ZNF264: variants seen among roughly 807,000 people sequenced by gnomAD.
ZNF264 encodes the protein zinc finger protein 264.
In ZNF264, 11 loss-of-function variants were observed where a neutral mutation model predicts 11.2. The ratio of observed to expected loss-of-function variants is 0.98; its 90% confidence interval spans 0.62 to 1.63. The LOEUF is 1.63. ZNF264 is among the 40% of genes most tolerant of loss of function. The probability of loss-of-function intolerance (pLI) is 0.00; values close to 1 mark genes in which losing one functional copy is unlikely to be tolerated. For synonymous variants in ZNF264, 309 were observed against 279.8 expected, an observed-to-expected ratio of 1.10 and a Z score of -1.04; for missense variants, 752 against 768.1, an observed-to-expected ratio of 0.98 and a Z score of 0.25.
At chr19:57,193,259 G>A (rs1212871678) in intron 1 of ZNF264, among the ~76,000 whole-genome samples, 1 of 152,202 alleles carries the variant, frequency 6.6e-6, no homozygotes, top group Non-Finnish European at 1.5e-5. Context: ...TGACTGTGAA[G>A]GTGATGATGG....
chr19:57,192,973 C>T (rs144238585), intron 1 of ZNF264, among the ~76,000 whole-genome samples: 2 of 152,120 alleles, frequency 1.3e-5, no homozygotes, highest in Non-Finnish European at 2.9e-5. Context: ...TCAAGCGATC[C>T]GCCCACCTCG....
chr19:57,212,736 GC>G lies in ZNF264; in HGVS notation c.1641del (p.Phe548SerfsTer22). The part of the protein sequence containing the change: ...KPYKCSECGK[A>X]FSRSSSLTQH... ...CTATAAATGTAGTGAATGTGGAAAG[GC>G]CTTCAGTCGCAGCTCGTCCCTCACT... On this transcript the variant is annotated frameshift_variant, in exon 4 of 4. Transcript: ENST00000263095. LOFTEE classifies it low-confidence loss of function (END_TRUNC). 4 of 1,614,186 alleles carry G rather than the reference GC, an allele frequency of 2.5e-6. No individual in the cohort carries two copies. Among genetic ancestry groups the G allele is most frequent in the Non-Finnish European group, 3.4e-6 (4 of 1,180,002 alleles).
chr19:57,204,561 G>T (rs769280732), intron 2 of ZNF264, among the ~76,000 whole-genome samples: 1 of 152,102 alleles, frequency 6.6e-6, no homozygotes, highest in Non-Finnish European at 1.5e-5. Context: ...GCCTTTCTCC[G>T]CCTTGTGTCA....
rs1415204067 is a variant in ZNF264, at chr19:57,215,013, G to T, written c.*2032G>T. 1 of 152,156 alleles carries T rather than the reference G, an allele frequency of 6.6e-6. No individual in the cohort carries two copies. Among genetic ancestry groups the T allele is most frequent in the Non-Finnish European group, 1.5e-5 (1 of 68,018 alleles). 9.4% of individuals were successfully genotyped at this position (152,156 alleles called of 1,614,324 possible). A position where few individuals can be genotyped will look rare whatever the true frequency, so the allele number is the denominator to read the frequency against. ...CTAATTTATTGGCTAATAATGTGTAGTTCTTTTTTCTTTTGTTTCTTATGT... is the reference window on the plus strand; with the variant it reads ...CTAATTTATTGGCTAATAATGTGTATTTCTTTTTTCTTTTGTTTCTTATGT... On this transcript the variant is annotated 3_prime_UTR_variant, in exon 4 of 4. Transcript: ENST00000263095.
rs1303408156 is a variant in ZNF264 at position 57,219,694 on chromosome 19, T to C, written c.*6713T>C. The C allele has an allele frequency of 6.6e-6, 1 of 152,270 alleles. No homozygotes were observed. Among genetic ancestry groups the C allele is most frequent in the Non-Finnish European group, 1.5e-5 (1 of 68,054 alleles). The allele number at this position is 152,270 out of a possible 1,614,324, so 9.4% of individuals were successfully genotyped here. A position where few individuals can be genotyped will look rare whatever the true frequency, so the allele number is the denominator to read the frequency against. On this transcript the variant is annotated 3_prime_UTR_variant, in exon 4 of 4. Coordinates refer to ENST00000263095, the MANE Select transcript of ZNF264 (RefSeq NM_003417.5). ...CATTTTTGTTTCCCAGAATCCATCA[T>C]TGGCCATTGCTTTTTCACTTGCCAT... is the stretch of plus-strand genomic sequence containing the variant.
rs1000849887 is a variant in ZNF264 at position 57,218,596 on chromosome 19, A to G, written c.*5615A>G. The stretch of plus-strand genomic sequence containing the variant: ...AGTCTTGTCTTTTTTAGGGACTTCA[A>G]TAACATGAGTGGCAGATCTTGTTTT... On this transcript the variant is annotated 3_prime_UTR_variant, in exon 4 of 4. Coordinates refer to ENST00000263095, the MANE Select transcript of ZNF264 (RefSeq NM_003417.5). 1.1e-4 allele frequency: 17 copies of G among 152,196 alleles called. No homozygotes were observed. Among genetic ancestry groups the G allele is most frequent in the African/African-American group, 2.9e-4 (12 of 41,436 alleles). The allele number at this position is 152,196 out of a possible 1,614,324, so 9.4% of individuals were successfully genotyped here.
chr19:57,211,241 A>G (rs1033952128), intron 3 of ZNF264, 113 bp from the exon 4 acceptor site: 37 of 1,092,340 alleles, frequency 3.4e-5, no homozygotes, highest in Non-Finnish European at 4.2e-5. Context: ...GATACAGAAA[A>G]TAGCAACACA....
At chr19:57,210,575 C>G (rs760991864) in intron 3 of ZNF264, among the ~76,000 whole-genome samples, 1 of 152,190 alleles carries the variant, frequency 6.6e-6, no homozygotes, top group Non-Finnish European at 1.5e-5. Context: ...ATGTTGCCAA[C>G]CCAGGAAACT....
At chr19:57,198,634 T>C (rs2087229701) in intron 2 of ZNF264, among the ~76,000 whole-genome samples, 1 of 151,794 alleles carries the variant, frequency 6.6e-6, no homozygotes, top group South Asian at 2.1e-4. Context: ...GAGCTAAAAC[T>C]CCTGACCTCC....
rs2122777498 is a variant in ZNF264, at chr19:57,218,188, A to G, written c.*5207A>G. ...AAATGTTCTTTGTTTTCCTTCCTCT[A>G]AAGATGTCTTTATGTTTCCTTCATT... On this transcript the variant is annotated 3_prime_UTR_variant, in exon 4 of 4. Transcript: ENST00000263095. 2 of 152,256 alleles carry G rather than the reference A, an allele frequency of 1.3e-5. No homozygotes were observed. The highest frequency in any genetic ancestry group is 4.1e-4 in the South Asian group (2 of 4,826). 9.4% of individuals were successfully genotyped at this position (152,256 alleles called of 1,614,324 possible). A position where few individuals can be genotyped will look rare whatever the true frequency, so the allele number is the denominator to read the frequency against.
At chr19:57,201,840 G>T (rs1376963531) in intron 2 of ZNF264, among the ~76,000 whole-genome samples, 1 of 151,826 alleles carries the variant, frequency 6.6e-6, no homozygotes, top group Non-Finnish European at 1.5e-5. Flanking sequence ...TTTCTGTGTG[G>T]TACAATCCCT....
At chr19:57,192,482 C>T (rs2087181283) in intron 1 of ZNF264, 6 of 985,390 alleles carry the variant, frequency 6.1e-6, no homozygotes, top group Non-Finnish European at 7.2e-6. Flanking sequence ...CTGCATTATC[C>T]TTGGCCGCTC....
chr19:57,200,556 G>GTCTCTTGTCT (rs1310165649), intron 2 of ZNF264, among the ~76,000 whole-genome samples: 1 of 147,332 alleles, frequency 6.8e-6, no homozygotes, highest in East Asian at 2.0e-4. Context: ...CTTGTGTCTT[G>GTCTCTTGTCT]TGTCTTGTCT....
At chr19:57,194,566 G>C (rs1039205651) in intron 2 of ZNF264, among the ~76,000 whole-genome samples, 2 of 152,224 alleles carry the variant, frequency 1.3e-5, no homozygotes, top group Non-Finnish European at 2.9e-5. Context: ...GAAGAACTTG[G>C]TGTCCAATGT....
chr19:57,208,726 A>G (rs2087312560), intron 3 of ZNF264, among the ~76,000 whole-genome samples: 2 of 152,152 alleles, frequency 1.3e-5, no homozygotes, highest in Non-Finnish European at 1.5e-5. Flanking sequence ...ATTGGTTTGT[A>G]GGCTATGCAA....
At chr19:57,210,392 G>A (rs1242500212) in intron 3 of ZNF264, among the ~76,000 whole-genome samples, 1 of 152,178 alleles carries the variant, frequency 6.6e-6, no homozygotes, top group Admixed American at 6.5e-5. Flanking sequence ...ATTAGCTTTA[G>A]ACTCACAAAA....
intron 2 of ZNF264, among the ~76,000 whole-genome samples, chr19:57,200,264 A>T (rs2122742906): frequency 6.6e-6 from 1 of 151,924 alleles, no homozygotes; most frequent in East Asian, 1.9e-4. Flanking sequence ...GAAACTTGGA[A>T]TAGGGATGTG....
intron 3 of ZNF264, among the ~76,000 whole-genome samples, chr19:57,208,596 A>C (rs2087311282): frequency 1.3e-5 from 2 of 152,208 alleles, no homozygotes; most frequent in Admixed American, 6.5e-5. Flanking sequence ...GAGGCAAAAA[A>C]AAATTAATAA....
chr19:57,211,917 C>T lies in ZNF264; in HGVS notation c.820C>T (p.Leu274Phe). 1 of 1,613,832 alleles carries T rather than the reference C, an allele frequency of 6.2e-7. No homozygotes were observed. Among genetic ancestry groups the T allele is most frequent in the Non-Finnish European group, 8.5e-7 (1 of 1,179,952 alleles). The change falls in exon 4 of 4, where the codon CTT becomes TTT. Residue 274 changes from leucine to phenylalanine, a missense_variant. Leu to Phe is a conservative substitution (Grantham distance 22). Coordinates refer to ENST00000263095, the MANE Select transcript of ZNF264 (RefSeq NM_003417.5). ...CGKAFNRKSY[L>F]TQHQRIHSGE... Reference sequence around the variant, plus strand: ...AAAGGCCTTCAACCGCAAGTCATACCTTACCCAGCACCAGCGGATTCACAG... The same window carrying T: ...AAAGGCCTTCAACCGCAAGTCATACTTTACCCAGCACCAGCGGATTCACAG...
Sources: allele counts gnomAD v4.1 joint callset (sites outside exome capture counted in the v4.1 genomes callset), GRCh38; gene constraint gnomAD v4.1.1; transcripts MANE v1.5; gene names NCBI Gene and HGNC (gene_info 2026-07-23, HGNC 2026-07-21).